Variants in NOVA1 observed in about 807,000 individuals in gnomAD.
The protein encoded by NOVA1 is RNA-binding protein Nova-1.
NOVA1 carries 7 observed loss-of-function variants against 38.0 expected under a neutral mutation model. The ratio of observed to expected loss-of-function variants is 0.18; its 90% CI spans 0.10 to 0.35. NOVA1 has a LOEUF of 0.35. Ranked by LOEUF, NOVA1 falls within the 10% of genes least tolerant of loss-of-function variation. The pLI is 1.00. For missense variants in NOVA1, 460 were observed against 616.0 expected, an observed-to-expected ratio of 0.75 and a Z score of 2.68; for synonymous variants, 270 against 232.5, an observed-to-expected ratio of 1.16 and a Z score of -1.47.
chr14:26,589,652 C>T (rs950318857), intron 2 of NOVA1, among the ~76,000 whole-genome samples: 2 of 151,640 alleles, frequency 1.3e-5, no homozygotes, highest in African/African-American at 4.8e-5. Flanking sequence ...AGAAGAACTA[C>T]CAAGTACTTC....
chr14:26,585,745 C>T (rs1893475805), intron 2 of NOVA1, among the ~76,000 whole-genome samples: 1 of 151,206 alleles, frequency 6.6e-6, no homozygotes, highest in Non-Finnish European at 1.5e-5. Flanking sequence ...TTAACATACT[C>T]TCCATAATAT....
At chr14:26,517,048 G>C (rs1594448136) in intron 2 of NOVA1, among the ~76,000 whole-genome samples, 2 of 152,000 alleles carry the variant, frequency 1.3e-5, no homozygotes, top group Admixed American at 1.3e-4. Flanking sequence ...TGGGACTACA[G>C]GTATGTGCCA....
chr14:26,480,207 AGGAT>A (rs1300007568), intron 2 of NOVA1, 64 bp from the exon 3 acceptor site: 2 of 1,450,910 alleles, frequency 1.4e-6, no homozygotes, highest in Non-Finnish European at 1.9e-6. Flanking sequence ...ATTATGAAAA[AGGAT>A]GATATCATAA....
chr14:26,532,490 GA>G (rs1306840011), intron 2 of NOVA1, among the ~76,000 whole-genome samples: 2 of 152,158 alleles, frequency 1.3e-5, no homozygotes, highest in African/African-American at 4.8e-5. Flanking sequence ...TATAGTGACA[GA>G]AAACAGATCA....
chr14:26,504,266 C>T (rs1887461621), intron 2 of NOVA1, among the ~76,000 whole-genome samples: 1 of 152,156 alleles, frequency 6.6e-6, no homozygotes, highest in Non-Finnish European at 1.5e-5. Context: ...AATTATTCAA[C>T]AGATGGTTTT....
chr14:26,460,335 A>G (rs962185281), intron 4 of NOVA1, among the ~76,000 whole-genome samples: 2 of 152,000 alleles, frequency 1.3e-5, no homozygotes, highest in African/African-American at 4.8e-5. Context: ...TTACTGAAAC[A>G]CATCTGCCAT....
intron 4 of NOVA1, among the ~76,000 whole-genome samples, chr14:26,471,202 C>G (rs931215258): frequency 2.6e-5 from 4 of 151,948 alleles, no homozygotes; most frequent in Non-Finnish European, 5.9e-5. Context: ...TATAAAATAT[C>G]ATCCTAAATG....
At chr14:26,518,319 C>T (rs1888630868) in intron 2 of NOVA1, among the ~76,000 whole-genome samples, 1 of 151,908 alleles carries the variant, frequency 6.6e-6, no homozygotes, top group African/African-American at 2.4e-5. Flanking sequence ...GTTTAGTACA[C>T]TTATATATAA....
At chr14:26,574,268 C>CA (rs71121889) in intron 2 of NOVA1, among the ~76,000 whole-genome samples, 1,266 of 46,842 alleles carry the variant, frequency 0.027, 48 homozygotes, top group East Asian at 0.036. Context: ...TCGTGATCCA[C>CA]CCCCCCCCCC....
chr14:26,506,445 T>G (rs1220486958), intron 2 of NOVA1, among the ~76,000 whole-genome samples: 1 of 152,198 alleles, frequency 6.6e-6, no homozygotes, highest in East Asian at 1.9e-4. Flanking sequence ...TTAGTCAAAG[T>G]AAGGCCACAT....
intron 2 of NOVA1, among the ~76,000 whole-genome samples, chr14:26,590,052 C>A (rs1893752717): frequency 6.6e-6 from 1 of 151,870 alleles, no homozygotes; most frequent in Admixed American, 6.6e-5. Flanking sequence ...CAGTTCCCAC[C>A]AGTCCAGTCC....
At chr14:26,518,039 T>A (rs185364665) in intron 2 of NOVA1, among the ~76,000 whole-genome samples, 50 of 152,226 alleles carry the variant, frequency 3.3e-4, no homozygotes, top group African/African-American at 1.2e-3. Context: ...TTAATCTCTA[T>A]CATAAACATG....
intron 2 of NOVA1, among the ~76,000 whole-genome samples, chr14:26,551,354 C>G (rs1220553072): frequency 6.6e-6 from 1 of 151,944 alleles, no homozygotes; most frequent in African/African-American, 2.4e-5. Flanking sequence ...CCTATTATTA[C>G]CAGTAATAGT....
At chr14:26,507,559 T>C (rs1176679308) in intron 2 of NOVA1, among the ~76,000 whole-genome samples, 1 of 152,204 alleles carries the variant, frequency 6.6e-6, no homozygotes, top group Non-Finnish European at 1.5e-5. Flanking sequence ...ATTATTTTTA[T>C]TGTGTTTCAT....
At chr14:26,589,786 A>G (rs968565671) in intron 2 of NOVA1, among the ~76,000 whole-genome samples, 1 of 151,782 alleles carries the variant, frequency 6.6e-6, no homozygotes, top group Non-Finnish European at 1.5e-5. Context: ...TGTTTTATGT[A>G]CATTCTATCA....
At chr14:26,554,303 C>T (rs1490279098) in intron 2 of NOVA1, among the ~76,000 whole-genome samples, 1 of 151,940 alleles carries the variant, frequency 6.6e-6, no homozygotes, top group Non-Finnish European at 1.5e-5. Flanking sequence ...TCCCTTTCCA[C>T]CTTTCCCCTT....
chr14:26,531,782 C>T (rs867233405), intron 2 of NOVA1, among the ~76,000 whole-genome samples: 7 of 152,000 alleles, frequency 4.6e-5, no homozygotes, highest in South Asian at 2.1e-4. Context: ...AGGTAAACCA[C>T]GACACAGAAC....
chr14:26,489,508 T>C (rs911619271), intron 2 of NOVA1, among the ~76,000 whole-genome samples: 2 of 151,250 alleles, frequency 1.3e-5, no homozygotes, highest in Admixed American at 6.6e-5. Context: ...TATTTAAAAG[T>C]ATTATATTAT....
intron 2 of NOVA1, among the ~76,000 whole-genome samples, chr14:26,517,495 G>A (rs7146649): frequency 0.25 from 37,846 of 151,872 alleles, 5,552 homozygotes; most frequent in African/African-American, 0.4. Context: ...TTTTATTTCA[G>A]GTACCTGAAC....
Sources: allele counts gnomAD v4.1 joint callset (sites outside exome capture counted in the v4.1 genomes callset), GRCh38; gene constraint gnomAD v4.1.1; transcripts MANE v1.5; gene names NCBI Gene and HGNC (gene_info 2026-07-23, HGNC 2026-07-21).